Variants in MTUS2 observed in about 807,000 individuals in gnomAD.
MTUS2 encodes microtubule-associated tumor suppressor candidate 2.
A neutral mutation model predicts 114.1 loss-of-function variants in MTUS2; 40 were observed. The ratio of observed to expected loss-of-function variants is 0.35; its 90% CI spans 0.27 to 0.46. The LOEUF (loss-of-function observed/expected upper bound fraction) is 0.46. MTUS2 is among the 20% of genes least tolerant of loss of function. The pLI, the probability that MTUS2 is intolerant of heterozygous loss-of-function variation, is 1.00. For synonymous variants in MTUS2, 688 were observed against 672.0 expected (o/e 1.02, Z -0.37); for missense variants, 1,679 against 1,705.4 (o/e 0.98, Z 0.27).
chr13:29,171,560 C>CA (rs1466377052), intron 5 of MTUS2, among the ~76,000 whole-genome samples: 1 of 152,056 alleles, frequency 6.6e-6, no homozygotes, highest in Non-Finnish European at 1.5e-5. Context: ...TAGATGAAGT[C>CA]AAATGGAGGA....
intron 5 of MTUS2, among the ~76,000 whole-genome samples, chr13:29,117,653 A>G (rs1891144381): frequency 1.3e-5 from 2 of 152,218 alleles, no homozygotes; most frequent in Non-Finnish European, 2.9e-5. Context: ...ATCTCCCACC[A>G]TAGCCGCTGT....
chr13:29,461,832 T>C (rs1190040540), intron 9 of MTUS2, among the ~76,000 whole-genome samples: 1 of 152,230 alleles, frequency 6.6e-6, no homozygotes, highest in African/African-American at 2.4e-5. Flanking sequence ...AATTATTTAA[T>C]ATTAAAACTT....
At chr13:29,027,854 A>G (rs1198663349) in intron 3 of MTUS2, among the ~76,000 whole-genome samples, 1 of 152,104 alleles carries the variant, frequency 6.6e-6, no homozygotes, top group Non-Finnish European at 1.5e-5. Context: ...TGCAGTTTTT[A>G]TCACCGTATA....
intron 5 of MTUS2, among the ~76,000 whole-genome samples, chr13:29,281,114 C>T (rs1898247554): frequency 6.6e-6 from 1 of 152,158 alleles, no homozygotes; most frequent in Admixed American, 6.5e-5. Flanking sequence ...GCTTTTCAAA[C>T]AGAAAGCCTG....
At chr13:29,387,195 C>G (rs2388082) in intron 8 of MTUS2, among the ~76,000 whole-genome samples, 19,581 of 152,160 alleles carry the variant, frequency 0.13, 1,374 homozygotes, top group Middle Eastern at 0.22. Flanking sequence ...AGGCCCACTG[C>G]ACAGTGGCTG....
chr13:29,415,982 G>T (rs774347476), intron 8 of MTUS2, among the ~76,000 whole-genome samples: 1 of 151,694 alleles, frequency 6.6e-6, no homozygotes, highest in Non-Finnish European at 1.5e-5. Context: ...GGAGTGACAC[G>T]ATCTCAGCTT....
At chr13:29,337,853 A>T (rs113193936) in intron 7 of MTUS2, among the ~76,000 whole-genome samples, 5 of 150,518 alleles carry the variant, frequency 3.3e-5, no homozygotes, top group Non-Finnish European at 7.4e-5. Flanking sequence ...CATTGGCACA[A>T]TCTCGGCTCA....
At chr13:29,333,026 T>C (rs1329606576) in intron 7 of MTUS2, among the ~76,000 whole-genome samples, 2 of 152,158 alleles carry the variant, frequency 1.3e-5, no homozygotes, top group African/African-American at 4.8e-5. Context: ...AATTTCCCTC[T>C]AAACACTGCT....
At chr13:28,961,646 C>A (rs1465854793) in intron 2 of MTUS2, among the ~76,000 whole-genome samples, 1 of 152,022 alleles carries the variant, frequency 6.6e-6, no homozygotes, top group Non-Finnish European at 1.5e-5. Context: ...ATAATCCTAC[C>A]ACCTGGAAAT....
intron 9 of MTUS2, among the ~76,000 whole-genome samples, chr13:29,461,660 T>C (rs1486454399): frequency 6.6e-6 from 1 of 151,772 alleles, no homozygotes; most frequent in Non-Finnish European, 1.5e-5. Flanking sequence ...TTCTCCAGAA[T>C]ATCAGGCAGA....
chr13:28,869,814 G>A (rs1413598050), intron 2 of MTUS2, among the ~76,000 whole-genome samples: 2 of 152,058 alleles, frequency 1.3e-5, no homozygotes, highest in African/African-American at 4.8e-5. Flanking sequence ...AACCAAAAGC[G>A]AAGTGAGCAG....
intron 8 of MTUS2, among the ~76,000 whole-genome samples, chr13:29,403,339 C>G (rs1236238861): frequency 6.6e-6 from 1 of 152,164 alleles, no homozygotes; most frequent in Non-Finnish European, 1.5e-5. Flanking sequence ...AGGCCCCTGT[C>G]CACCCTGTAT....
rs183410843 is a variant in MTUS2, at chr13:29,297,628, T to G, written c.2806+15763T>G. On this transcript the variant is annotated intron_variant, in intron 6 of 15. Coordinates refer to ENST00000612955, the MANE Select transcript of MTUS2 (RefSeq NM_001033602.4). ...AAATATGACTTAGAGACTTAGTTAT[T>G]CTTGCTAGTTACCTTACATATAGTT... is the stretch of plus-strand genomic sequence containing the variant. 1.8e-4 allele frequency among the ~76,000 whole-genome samples: 27 copies of G among 152,360 alleles called. No individual in the cohort carries two copies. The East Asian group carries it at 3.9e-3, about 22-fold the overall frequency.
At chr13:28,884,786 TC>T (rs978294167) in intron 2 of MTUS2, among the ~76,000 whole-genome samples, 1 of 152,162 alleles carries the variant, frequency 6.6e-6, no homozygotes, top group African/African-American at 2.4e-5. Context: ...TTTTGTTACT[TC>T]CTGTGAATGA....
chr13:28,925,722 C>T (rs1239215763), intron 2 of MTUS2, among the ~76,000 whole-genome samples: 1 of 152,178 alleles, frequency 6.6e-6, no homozygotes, highest in Non-Finnish European at 1.5e-5. Context: ...TCCTTATATA[C>T]TCACTGGGGA....
intron 2 of MTUS2, among the ~76,000 whole-genome samples, chr13:28,901,632 G>A (rs1019121339): frequency 1.1e-4 from 17 of 152,114 alleles, no homozygotes; most frequent in African/African-American, 2.7e-4. Context: ...GTCTTCCATC[G>A]AATTGCTTTT....
intron 5 of MTUS2, among the ~76,000 whole-genome samples, chr13:29,270,699 G>A (rs536257286): frequency 2.0e-5 from 3 of 152,344 alleles, no homozygotes; most frequent in South Asian, 2.1e-4. Flanking sequence ...ATGGAAGCTC[G>A]TGTGGCTGGC....
intron 6 of MTUS2, among the ~76,000 whole-genome samples, chr13:29,321,320 G>C (rs1269000916): frequency 2.0e-5 from 3 of 152,172 alleles, no homozygotes; most frequent in Non-Finnish European, 4.4e-5. Flanking sequence ...GAAAACATGA[G>C]ACCAAAGACC....
In MTUS2 at chr13:29,503,882, T is replaced by C. The variant is rs945411351; in HGVS notation, c.*676T>C. ...CTCAGTCAACATGATGTGAGATCAC[T>C]ATTATTCCATTCGCAAGTTTTAATT... On this transcript the variant is annotated 3_prime_UTR_variant, in exon 16 of 16. Transcript: ENST00000612955. 14 of 232,656 alleles carry C rather than the reference T, an allele frequency of 6.0e-5. No individual in the cohort carries two copies. Among genetic ancestry groups the C allele is most frequent in the Admixed American group, 5.5e-4 (10 of 18,030 alleles). 14.4% of individuals were successfully genotyped at this position (232,656 alleles called of 1,614,324 possible).
Sources: allele counts gnomAD v4.1 joint callset (sites outside exome capture counted in the v4.1 genomes callset), GRCh38; gene constraint gnomAD v4.1.1; transcripts MANE v1.5; gene names NCBI Gene and HGNC (gene_info 2026-07-23, HGNC 2026-07-21).